Variants in TH observed in about 807,000 individuals in gnomAD.
TH encodes the protein tyrosine 3-monooxygenase.
Under a neutral mutation model 57.4 loss-of-function variants are expected in TH, and 49 were observed. The observed-to-expected ratio is 0.85, with a 90% confidence interval of 0.68 to 1.08. The LOEUF (loss-of-function observed/expected upper bound fraction) is 1.08, where lower values mean the gene tolerates loss of function less well. Ranked by LOEUF, TH falls within the 50% of genes least tolerant of loss-of-function variation. The pLI is 0.00. For synonymous variants in TH, 330 were observed against 304.5 expected (o/e 1.08, Z -0.87); for missense variants, 720 against 696.7 (o/e 1.03, Z -0.38).
At chr11:2,166,819 G>A in intron 7 of TH, 51 bp from the exon 8 acceptor site, 2 of 1,556,610 alleles carry the variant, frequency 1.3e-6, no homozygotes, top group Non-Finnish European at 1.7e-6. Flanking sequence ...CTGGAGCCGC[G>A]CTGGGGTGGG....
rs1184382907 is a variant in TH, at chr11:2,166,719, C to T, written c.891G>A (p.Arg297=). ...GGAAGGCCAGGCTGGCCAGGAAGTC[C>T]CGGGCGGACAGCAGGCCGGCCACAG... ...LRPVAGLLSA[R]DFLASLAFRV... is the part of the protein sequence containing the mutation. The change falls in exon 8 of 13, where the codon CGG becomes CGA. Residue 297 remains arginine (R), a synonymous_variant. Transcript: ENST00000352909. 1 of 1,551,774 alleles carries T rather than the reference C, an allele frequency of 6.4e-7. No individual in the cohort carries two copies. The highest frequency in any genetic ancestry group is 8.7e-7 in the Non-Finnish European group (1 of 1,147,762).
In TH at chr11:2,171,804, C is replaced by G; in HGVS notation, c.-18G>C. 1.2e-6 allele frequency: 2 copies of G among 1,606,476 alleles called. No individual in the cohort carries two copies. Among genetic ancestry groups the G allele is most frequent in the Non-Finnish European group, 8.5e-7 (1 of 1,177,634 alleles). ...GTGGGCATGGCTCAGTGTGGAGGTC[C>G]GGGCTCCGTCTCCACAGCCCTGGCC... On this transcript the variant is annotated 5_prime_UTR_variant, in exon 1 of 13. Coordinates refer to ENST00000352909, the MANE Select transcript of TH (RefSeq NM_000360.4). This position sits in a 1 kb window ranked among gnomAD's most constrained non-coding sequence, Gnocchi z 8.6.
chr11:2,164,459 A>G (rs910062494), intron 12 of TH, 67 bp from the exon 13 acceptor site: 2 of 1,523,722 alleles, frequency 1.3e-6, no homozygotes, highest in South Asian at 1.2e-5. Context: ...AGGAGAGGGG[A>G]GGCCAGGGGC....
chr11:2,166,087 G>T, intron 9 of TH, 29 bp from the exon 10 acceptor site: 1 of 1,550,970 alleles, frequency 6.4e-7, no homozygotes, highest in Non-Finnish European at 8.7e-7. Context: ...GAAGGATGGG[G>T]AGAGGCAGCC....
chr11:2,166,830 G>T, intron 7 of TH, 57 bp downstream of exon 7: 1 of 1,566,636 alleles, frequency 6.4e-7, no homozygotes, highest in Non-Finnish European at 8.6e-7. Flanking sequence ...CTGGGGTGGG[G>T]CGCTTGGCTG....
Position 2,168,118 on chromosome 11 carries a change from G to A in TH, c.549C>T (p.Phe183=), listed in dbSNP as rs756278325. Reference sequence around the variant, plus strand: ...GGTGGTCCAAGTCCAGGTCAGGGTCGAACTTGGTGACCAGGTGATGACACT... The same window carrying A: ...GGTGGTCCAAGTCCAGGTCAGGGTCAAACTTGGTGACCAGGTGATGACACT... ...LDKCHHLVTK[F]DPDLDLDHPG... The change falls in exon 4 of 13, where the codon TTC becomes TTT. Residue 183 remains phenylalanine (F), a synonymous_variant. Transcript: ENST00000352909. 15 of 1,613,448 alleles carry A rather than the reference G, an allele frequency of 9.3e-6. No homozygotes were observed. The highest frequency in any genetic ancestry group is 8.0e-5 in the African/African-American group (6 of 74,916).
At position 2,168,502 on chromosome 11, in the gene TH, G is replaced by A. The variant is rs746990095; in HGVS notation, c.476C>T (p.Ala159Val). 2.0e-5 allele frequency: 32 copies of A among 1,612,256 alleles called. No homozygotes were observed. The highest frequency in any genetic ancestry group is 2.0e-4 in the South Asian group (18 of 91,072). Residue 159 changes from alanine to valine, a missense_variant, in exon 3 of 13, where the codon GCG (alanine) becomes GTG (valine). Transcript: ENST00000352909. ...RQVSEDVRSP[A>V]GPKVPWFPRK... Reference sequence around the variant, plus strand: ...GAAAACCGCCTCACCCTTGGGCCCCGCGGGGCTGCGCACGTCCTCTGACAC... The same window carrying A: ...GAAAACCGCCTCACCCTTGGGCCCCACGGGGCTGCGCACGTCCTCTGACAC...
At position 2,167,469 on chromosome 11, in the gene TH, G is replaced by C. The variant is rs1245249248; in HGVS notation, c.661C>G (p.Arg221Gly). The C allele has an allele frequency of 6.4e-7, 1 of 1,563,120 alleles. No individual in the cohort carries two copies. The highest frequency in any genetic ancestry group is 8.7e-7 in the Non-Finnish European group (1 of 1,153,692). Residue 221 changes from arginine to glycine, a missense_variant, in exon 6 of 13, where the codon CGT becomes GGT. Arg to Gly is a moderately radical substitution (Grantham distance 125). Coordinates refer to ENST00000352909, the MANE Select transcript of TH (RefSeq NM_000360.4). Reference protein sequence around the residue: ...FQYRHGDPIPRVEYTAEEIAT... With the variant: ...FQYRHGDPIPGVEYTAEEIAT... ...ATCTCCTCGGCGGTGTACTCCACAC[G>C]GGGAATCGGGTCGCCGCTGGGGAGG... is the stretch of plus-strand genomic sequence containing the variant.
At position 2,166,553 on chromosome 11, in the gene TH, C is replaced by G. The variant is rs1422368520; in HGVS notation, c.978-4G>C. The stretch of plus-strand genomic sequence containing the variant: ...CAGCAGCTCGTGGCAGCAGTCCCTG[C>G]GCGTAGGAGGGAGAAGGGGGCTGAG... On this transcript the variant is annotated splice_polypyrimidine_tract_variant and splice_region_variant and intron_variant, in intron 8 of 12. Coordinates refer to ENST00000352909, the MANE Select transcript of TH (RefSeq NM_000360.4). The G allele has an allele frequency of 6.2e-7, 1 of 1,600,748 alleles. No individual in the cohort carries two copies. The highest frequency in any genetic ancestry group is 8.5e-7 in the Non-Finnish European group (1 of 1,175,870).
chr11:2,168,702 A>C, intron 2 of TH, 37 bp from the exon 3 acceptor site: 1 of 1,069,054 alleles, frequency 9.4e-7, no homozygotes, highest in African/African-American at 1.7e-5. Flanking sequence ...AGAGAAGGAG[A>C]AAGAGACAGA....
In TH at chr11:2,164,165, A is replaced by G. The variant is rs1204040109; in HGVS notation, c.*68T>C. 21 of 1,305,064 alleles carry G rather than the reference A, an allele frequency of 1.6e-5. No homozygotes were observed. Among genetic ancestry groups the G allele is most frequent in the Non-Finnish European group, 2.1e-5 (21 of 1,018,188 alleles). 80.8% of individuals were successfully genotyped at this position (1,305,064 alleles called of 1,614,324 possible). On this transcript the variant is annotated 3_prime_UTR_variant, in exon 13 of 13. Transcript: ENST00000352909. The stretch of plus-strand genomic sequence containing the variant: ...GGCACCCGGGACCCAGCCCCTCACC[A>G]GGGCCTGAGCTCCGGGACAGTGCAG...
Position 2,164,300 on chromosome 11 carries a change from C to T in TH, c.1427G>A (p.Arg476Gln), listed in dbSNP as rs774575772. The change falls in exon 13 of 13, where the codon CGG (arginine) becomes CAG (glutamine). Residue 476 changes from arginine (R) to glutamine (Q), a missense_variant. By Grantham distance (43) the Arg-to-Gln change is conservative (BLOSUM62 1). Transcript: ENST00000352909. ...ATCCTGGACACCCTCCAGGGAGCGC[C>T]GCACGGCCTGGGGGCTGTCCAGCAC... ...IDVLDSPQAV[R>Q]RSLEGVQDEL... 1.3e-5 allele frequency: 20 copies of T among 1,518,774 alleles called. No homozygotes were observed. Among genetic ancestry groups the T allele is most frequent in the African/African-American group, 2.8e-5 (2 of 70,928 alleles). 94.1% of individuals were successfully genotyped at this position (1,518,774 alleles called of 1,614,324 possible).
In TH at chr11:2,166,950, G is replaced by T. The variant is rs376462928; in HGVS notation, c.778C>A (p.Arg260Ser). 3 of 1,597,008 alleles carry T rather than the reference G, an allele frequency of 1.9e-6. No individual in the cohort carries two copies. The highest frequency in any genetic ancestry group is 2.7e-5 in the African/African-American group (2 of 74,724). ...TTGTCTTCCCGGTAGCCGCTGAAGC[G>T]CTCCAGCAAAGCAAAGGCCTCCAGG... ...EHLEAFALLE[R>S]FSGYREDNIP... Residue 260 changes from arginine (R) to serine (S), a missense_variant, in exon 7 of 13, where the codon CGC becomes AGC. Arg to Ser is a moderately radical substitution (Grantham distance 110). Transcript: ENST00000352909.
At chr11:2,167,631 G>A in intron 5 of TH, 146 bp from the exon 6 acceptor site, 2 of 1,146,834 alleles carry the variant, frequency 1.7e-6, no homozygotes, top group South Asian at 1.4e-5. Context: ...GTGCACCCCA[G>A]CTGACTGTGC....
chr11:2,166,942 G>A lies in TH; in HGVS notation c.786C>T (p.Ser262=), dbSNP rs753109309. ...LEAFALLERF[S]GYREDNIPQL... is the part of the protein sequence containing the mutation. ...GGGGGATATTGTCTTCCCGGTAGCC[G>A]CTGAAGCGCTCCAGCAAAGCAAAGG... is the stretch of plus-strand genomic sequence containing the variant. The change falls in exon 7 of 13, where the codon AGC becomes AGT. Residue 262 remains serine, a synonymous_variant. Transcript: ENST00000352909. 11 of 1,598,402 alleles carry A rather than the reference G, an allele frequency of 6.9e-6. No homozygotes were observed. The highest frequency in any genetic ancestry group is 1.6e-4 in the Middle Eastern group (1 of 6,074).
chr11:2,168,192 T>C lies in TH; in HGVS notation c.488-13A>G. 6.2e-7 allele frequency: 1 copy of C among 1,612,452 alleles called. No individual in the cohort carries two copies. Among genetic ancestry groups the C allele is most frequent in the Non-Finnish European group, 8.5e-7 (1 of 1,179,314 alleles). On this transcript the variant is annotated splice_polypyrimidine_tract_variant and intron_variant, in intron 3 of 12. Coordinates refer to ENST00000352909, the MANE Select transcript of TH (RefSeq NM_000360.4). ...GGGAACCAGGGGACTTTATGGGTGATGGAGGAAGAGATCTTGGTGAGCTCG... is the reference window on the plus strand; with the variant it reads ...GGGAACCAGGGGACTTTATGGGTGACGGAGGAAGAGATCTTGGTGAGCTCG...
chr11:2,164,158 C>A lies in TH; in HGVS notation c.*75G>T. On this transcript the variant is annotated 3_prime_UTR_variant, in exon 13 of 13. Coordinates refer to ENST00000352909, the MANE Select transcript of TH (RefSeq NM_000360.4). The stretch of plus-strand genomic sequence containing the variant: ...CATGGGGGGCACCCGGGACCCAGCC[C>A]CTCACCAGGGCCTGAGCTCCGGGAC... 7.8e-7 allele frequency: 1 copy of A among 1,290,320 alleles called. No individual in the cohort carries two copies. Among genetic ancestry groups the A allele is most frequent in the Non-Finnish European group, 9.9e-7 (1 of 1,007,770 alleles). 79.9% of individuals were successfully genotyped at this position (1,290,320 alleles called of 1,614,324 possible).
At position 2,167,861 on chromosome 11, in the gene TH, C is replaced by T. The variant is rs1261872345; in HGVS notation, c.644+5G>A. 1 of 1,601,274 alleles carries T rather than the reference C, an allele frequency of 6.2e-7. No homozygotes were observed. Among genetic ancestry groups the T allele is most frequent in the South Asian group, 1.1e-5 (1 of 89,198 alleles). Reference sequence around the variant, plus strand: ...GTCTGGGTCCCGAGCGCAGGGGCCCCTCACTGCCTGTACTGGAAGGCGATC... The same window carrying T: ...GTCTGGGTCCCGAGCGCAGGGGCCCTTCACTGCCTGTACTGGAAGGCGATC... On this transcript the variant is annotated splice_donor_5th_base_variant and intron_variant, in intron 5 of 12. Transcript: ENST00000352909.
chr11:2,166,651 G>T lies in TH; in HGVS notation c.959C>A (p.Pro320His). Residue 320 changes from proline (P) to histidine (H), a missense_variant, in exon 8 of 13, where the codon CCC becomes CAC. Physicochemically the swap from Pro to His is moderately conservative, Grantham distance 77 (BLOSUM62 -2). Transcript: ENST00000352909. Reference protein sequence around the residue: ...CTQYIRHASSPMHSPEPDCCH... With the variant: ...CTQYIRHASSHMHSPEPDCCH... Reference sequence around the variant, plus strand: ...CACTCACGGCTCAGGGGAGTGCATGGGCGAGGACGCGTGGCGGATATACTG... The same window carrying T: ...CACTCACGGCTCAGGGGAGTGCATGTGCGAGGACGCGTGGCGGATATACTG... 6.3e-7 allele frequency: 1 copy of T among 1,577,048 alleles called. No individual in the cohort carries two copies. The highest frequency in any genetic ancestry group is 8.6e-7 in the Non-Finnish European group (1 of 1,162,508).
Sources: gnomAD v4.1 joint callset for allele counts on GRCh38, gnomAD v4.1.1 for gene constraint, Gnocchi (gnomAD v3.1) non-coding constraint, MANE v1.5 for transcripts, NCBI Gene and HGNC (gene_info 2026-07-23, HGNC 2026-07-21) for gene names.